CCSER1: variants seen among roughly 807,000 people sequenced by gnomAD.
CCSER1 encodes serine-rich coiled-coil domain-containing protein 1.
A neutral mutation model predicts 82.0 loss-of-function variants in CCSER1; 41 were observed. The ratio of observed to expected loss-of-function variants is 0.50; its 90% CI spans 0.39 to 0.65. CCSER1 has a LOEUF of 0.65. CCSER1 is among the 30% of genes least tolerant of loss of function. The pLI is 0.00. For missense variants in CCSER1, 1,119 were observed against 1,064.2 expected, an observed-to-expected ratio of 1.05 and a Z score of -0.72; for synonymous variants, 414 against 383.9, an observed-to-expected ratio of 1.08 and a Z score of -0.92.
intron 4 of CCSER1, among the ~76,000 whole-genome samples, chr4:90,408,409 C>G (rs573391271): frequency 6.6e-6 from 1 of 152,288 alleles, no homozygotes; most frequent in South Asian, 2.1e-4. Flanking sequence ...ACACCTCACA[C>G]GGCCGGATAC....
intron 4 of CCSER1, among the ~76,000 whole-genome samples, chr4:90,413,382 A>G (rs906287428): frequency 2.0e-5 from 3 of 152,200 alleles, no homozygotes; most frequent in Admixed American, 6.5e-5. Flanking sequence ...GCTATAAGCA[A>G]TCTACAAATT....
At chr4:90,656,901 T>G (rs551428545) in intron 6 of CCSER1, among the ~76,000 whole-genome samples, 16 of 152,180 alleles carry the variant, frequency 1.1e-4, no homozygotes, top group African/African-American at 3.8e-4. Context: ...TTCTGTGTAA[T>G]GTTAGGACAT....
intron 1 of CCSER1, among the ~76,000 whole-genome samples, chr4:90,295,485 C>G (rs1361489987): frequency 6.6e-6 from 1 of 151,534 alleles, no homozygotes; most frequent in Non-Finnish European, 1.5e-5. Context: ...CCCTTTTATT[C>G]TTTGTGTTTT....
At chr4:91,450,233 C>T (rs747530003) in intron 10 of CCSER1, among the ~76,000 whole-genome samples, 3 of 151,932 alleles carry the variant, frequency 2.0e-5, no homozygotes, top group East Asian at 1.9e-4. Flanking sequence ...CACATACCGA[C>T]GATCATGAAT....
At chr4:90,213,163 C>T (rs1450420046) in intron 1 of CCSER1, among the ~76,000 whole-genome samples, 2 of 152,054 alleles carry the variant, frequency 1.3e-5, no homozygotes, top group Non-Finnish European at 2.9e-5. Flanking sequence ...CAGGAGAAAG[C>T]AATGGTAGCT....
At chr4:90,422,758 T>C (rs1208008568) in intron 4 of CCSER1, among the ~76,000 whole-genome samples, 1 of 152,188 alleles carries the variant, frequency 6.6e-6, no homozygotes, top group African/African-American at 2.4e-5. Flanking sequence ...TTGGGTAACA[T>C]TACAGAAGCA....
chr4:90,721,717 T>G (rs1742714470), intron 6 of CCSER1, among the ~76,000 whole-genome samples: 2 of 151,772 alleles, frequency 1.3e-5, no homozygotes, highest in African/African-American at 4.8e-5. Flanking sequence ...TTTACGATAC[T>G]ATTTGATCTA....
chr4:91,159,305 A>T (rs77957601), intron 10 of CCSER1, among the ~76,000 whole-genome samples: 2 of 151,902 alleles, frequency 1.3e-5, no homozygotes, highest in South Asian at 4.1e-4. Flanking sequence ...CCATGCTGAA[A>T]ACTTTTGACC....
rs982058375 is a variant in CCSER1 at position 90,362,728 on chromosome 4, G to T, written c.1510-37308G>T. On this transcript the variant is annotated intron_variant, in intron 3 of 10. Transcript: ENST00000509176. ...GCCACAGACGTCCCTCTGTGTTTTT[G>T]ATCCTCAGTCTACTCTTCTTTGATT... Among the ~76,000 whole-genome samples the T allele has an allele frequency of 1.1e-4, 17 of 152,112 alleles. 1 individual carries two copies. The highest frequency in any genetic ancestry group is 1.1e-3 in the Admixed American group (17 of 15,280).
intron 10 of CCSER1, among the ~76,000 whole-genome samples, chr4:91,597,236 A>G (rs17018623): frequency 0.069 from 10,556 of 152,126 alleles, 544 homozygotes; most frequent in South Asian, 0.16. Context: ...AATAAAAGAA[A>G]CTACCTCAAA....
Position 90,308,473 on chromosome 4 carries a change from C to T in CCSER1, c.189C>T (p.Phe63=), listed in dbSNP as rs910772261. Residue 63 remains phenylalanine (F), a synonymous_variant, in exon 2 of 11, where the codon TTC becomes TTT. Transcript: ENST00000509176. The part of the protein sequence containing the change: ...SGSTGKRRSI[F]RTPSISFHHK... ...GCACAGGTAAACGGAGGAGCATATT[C>T]CGTACTCCTTCCATTAGCTTCCACC... 1 of 1,613,876 alleles carries T rather than the reference C, an allele frequency of 6.2e-7. No individual in the cohort carries two copies. Among genetic ancestry groups the T allele is most frequent in the Non-Finnish European group, 8.5e-7 (1 of 1,179,812 alleles).
intron 3 of CCSER1, among the ~76,000 whole-genome samples, chr4:90,384,386 C>T (rs1286771640): frequency 6.7e-6 from 1 of 148,822 alleles, no homozygotes; most frequent in African/African-American, 2.5e-5. Flanking sequence ...CATGTTCTCA[C>T]TCAAAGGTGG....
chr4:90,851,537 T>C (rs1339640898), intron 8 of CCSER1, among the ~76,000 whole-genome samples: 1 of 151,496 alleles, frequency 6.6e-6, no homozygotes, highest in Admixed American at 6.6e-5. Flanking sequence ...TTGGAGACTA[T>C]GCACTTGAAC....
chr4:91,595,698 T>C (rs569856871), intron 10 of CCSER1, among the ~76,000 whole-genome samples: 20 of 152,178 alleles, frequency 1.3e-4, no homozygotes, highest in Non-Finnish European at 2.4e-4. Context: ...TAACTTGCCA[T>C]GTTCACTAAA....
chr4:90,478,403 T>C (rs1765390580), intron 5 of CCSER1, among the ~76,000 whole-genome samples: 1 of 152,212 alleles, frequency 6.6e-6, no homozygotes, highest in Non-Finnish European at 1.5e-5. Context: ...TCTATCATTT[T>C]CTTTTTGAAA....
chr4:90,391,481 T>TATAC (rs1751090244), intron 3 of CCSER1, among the ~76,000 whole-genome samples: 1 of 87,520 alleles, frequency 1.1e-5, no homozygotes, highest in Non-Finnish European at 2.0e-5. Flanking sequence ...TATATATATA[T>TATAC]ATATACACAC....
intron 10 of CCSER1, among the ~76,000 whole-genome samples, chr4:91,474,397 A>G (rs973299291): frequency 2.6e-5 from 4 of 151,834 alleles, no homozygotes; most frequent in Admixed American, 2.0e-4. Flanking sequence ...ATATAATCAC[A>G]CATTTAATAA....
At chr4:90,702,188 T>C (rs942464899) in intron 6 of CCSER1, among the ~76,000 whole-genome samples, 1 of 152,202 alleles carries the variant, frequency 6.6e-6, no homozygotes, top group Non-Finnish European at 1.5e-5. Context: ...CATGAAGGGC[T>C]GTTGAATTTT....
intron 5 of CCSER1, among the ~76,000 whole-genome samples, chr4:90,496,946 C>G (rs1173890951): frequency 7.2e-6 from 1 of 139,480 alleles, no homozygotes; most frequent in Non-Finnish European, 1.5e-5. Context: ...CCTCTGCACT[C>G]CAGCCTGGCG....
Sources: allele counts gnomAD v4.1 joint callset (sites outside exome capture counted in the v4.1 genomes callset), GRCh38; gene constraint gnomAD v4.1.1; transcripts MANE v1.5; gene names NCBI Gene and HGNC (gene_info 2026-07-23, HGNC 2026-07-21).